GPR149: variants seen among roughly 807,000 people sequenced by gnomAD.
GPR149 encodes the protein G protein-coupled receptor 149.
A neutral mutation model predicts 50.2 loss-of-function variants in GPR149; 50 were observed. The observed-to-expected ratio is 1.00, with a 90% confidence interval of 0.79 to 1.26. GPR149 has a LOEUF of 1.26. GPR149 is among the 50% of genes most tolerant of loss of function. The pLI is 0.00. For synonymous variants in GPR149, 405 were observed against 358.2 expected, an observed-to-expected ratio of 1.13 and a Z score of -1.48; for missense variants, 983 against 895.4, an observed-to-expected ratio of 1.10 and a Z score of -1.25.
At chr3:154,396,879 G>T (rs1353755983) in intron 3 of GPR149, among the ~76,000 whole-genome samples, 1 of 150,792 alleles carries the variant, frequency 6.6e-6, no homozygotes, top group Non-Finnish European at 1.5e-5. Context: ...TTAAAGAAAG[G>T]GTTTTTATTT....
Position 154,404,137 on chromosome 3 carries a change from T to C in GPR149, c.1623+16902A>G, listed in dbSNP as rs142495737. 6.6e-4 allele frequency among the ~76,000 whole-genome samples: 100 copies of C among 152,330 alleles called. No homozygotes were observed. In the East Asian group the frequency reaches 0.019, roughly 29 times the overall value. ...TGTTTTACAAAGTGTTTTTAACAAT[T>C]TATCGTACCAACAGTTTATATACAT... is the stretch of plus-strand genomic sequence containing the variant. On this transcript the variant is annotated intron_variant, in intron 3 of 3. Transcript: ENST00000389740.
In GPR149 at chr3:154,356,720, T is replaced by G. The variant is rs576237620; in HGVS notation, c.1624-18449A>C. 6.0e-3 allele frequency among the ~76,000 whole-genome samples: 917 copies of G among 152,150 alleles called. 2 individuals carry two copies. Among genetic ancestry groups the G allele is most frequent in the Non-Finnish European group, 0.011 (714 of 67,984 alleles). On this transcript the variant is annotated intron_variant, in intron 3 of 3. Coordinates refer to ENST00000389740, the MANE Select transcript of GPR149 (RefSeq NM_001038705.3). ...TGGAAGAACATTCCATGCTCATGGGTAGGAAGAATCAATATTGTGAAAATG... is the reference window on the plus strand; with the variant it reads ...TGGAAGAACATTCCATGCTCATGGGGAGGAAGAATCAATATTGTGAAAATG...
chr3:154,412,596 A>T (rs528005422), intron 3 of GPR149, among the ~76,000 whole-genome samples: 1 of 151,894 alleles, frequency 6.6e-6, no homozygotes, highest in African/African-American at 2.4e-5. Context: ...AGACAATAAA[A>T]TACTGAGAGG....
intron 2 of GPR149, among the ~76,000 whole-genome samples, chr3:154,426,347 C>A (rs963193265): frequency 2.0e-5 from 3 of 152,122 alleles, no homozygotes; most frequent in African/African-American, 7.2e-5. Context: ...ATGGCCAGTT[C>A]ATGGCTAATT....
chr3:154,349,722 C>T (rs1714022273), intron 3 of GPR149, among the ~76,000 whole-genome samples: 1 of 152,134 alleles, frequency 6.6e-6, no homozygotes, highest in Admixed American at 6.6e-5. Flanking sequence ...CAAAGGAATA[C>T]TTCTTGATTC....
At chr3:154,361,788 G>A (rs1326513423) in intron 3 of GPR149, among the ~76,000 whole-genome samples, 1 of 152,094 alleles carries the variant, frequency 6.6e-6, no homozygotes, top group African/African-American at 2.4e-5. Context: ...TGCACTGATT[G>A]AACCTATTTG....
In GPR149 at chr3:154,353,706, C is replaced by T. The variant is rs1173609790; in HGVS notation, c.1624-15435G>A. ...AGCCAAAACAAGTACCTTTGTTGAG[C>T]AGCTTTTTAAAAATTGTTTCTTGAT... is the stretch of plus-strand genomic sequence containing the variant. On this transcript the variant is annotated intron_variant, in intron 3 of 3. Coordinates refer to ENST00000389740, the MANE Select transcript of GPR149 (RefSeq NM_001038705.3). 3.4e-6 allele frequency: 4 copies of T among 1,178,474 alleles called. No individual in the cohort carries two copies. In the African/African-American group the frequency reaches 6.2e-5, roughly 18 times the overall value. The allele number at this position is 1,178,474 out of a possible 1,614,324, so 73.0% of individuals were successfully genotyped here. A position where few individuals can be genotyped will look rare whatever the true frequency, so the allele number is the denominator to read the frequency against.
In GPR149 at chr3:154,363,194, C is replaced by T. The variant is rs531362866; in HGVS notation, c.1624-24923G>A. On this transcript the variant is annotated intron_variant, in intron 3 of 3. Transcript: ENST00000389740. ...CTTGTCCTTAAGGCGAAAGGAACTACCAAAGTGTTCTAAGCATAAAATTGA... is the reference window on the plus strand; with the variant it reads ...CTTGTCCTTAAGGCGAAAGGAACTATCAAAGTGTTCTAAGCATAAAATTGA... Among the ~76,000 whole-genome samples, 3 of 152,286 alleles carry T rather than the reference C, an allele frequency of 2.0e-5. No individual in the cohort carries two copies. The South Asian group carries it at 6.2e-4, about 32-fold the overall frequency.
At chr3:154,405,728 T>A (rs1711669593) in intron 3 of GPR149, among the ~76,000 whole-genome samples, 1 of 151,636 alleles carries the variant, frequency 6.6e-6, no homozygotes, top group Non-Finnish European at 1.5e-5. Flanking sequence ...TAAGCAACCA[T>A]TTGGAAAAAA....
At chr3:154,343,554 G>A (rs1713853444) in intron 3 of GPR149, among the ~76,000 whole-genome samples, 3 of 152,062 alleles carry the variant, frequency 2.0e-5, no homozygotes, top group Admixed American at 2.0e-4. Context: ...CTATTTTTAG[G>A]TTAAGAGACA....
At chr3:154,363,618 C>T (rs1288427560) in intron 3 of GPR149, among the ~76,000 whole-genome samples, 1 of 152,076 alleles carries the variant, frequency 6.6e-6, no homozygotes, top group Non-Finnish European at 1.5e-5. Context: ...CAGTGAAATC[C>T]AACCTTCAAG....
At chr3:154,350,528 T>C (rs1714052676) in intron 3 of GPR149, among the ~76,000 whole-genome samples, 1 of 152,152 alleles carries the variant, frequency 6.6e-6, no homozygotes, top group Non-Finnish European at 1.5e-5. Flanking sequence ...CATGACACTT[T>C]AAAAAGTTGA....
At chr3:154,413,959 T>C (rs1559988964) in intron 3 of GPR149, among the ~76,000 whole-genome samples, 1 of 150,704 alleles carries the variant, frequency 6.6e-6, no homozygotes, top group Non-Finnish European at 1.5e-5. Flanking sequence ...TATATATATA[T>C]ACATGGAATA....
Position 154,429,611 on chromosome 3 carries a change from G to T in GPR149, c.5C>A (p.Ser2Tyr). The change falls in exon 1 of 4, where the codon TCT becomes TAT. Residue 2 changes from serine (S) to tyrosine (Y), a missense_variant. Physicochemically the swap from Ser to Tyr is moderately radical, Grantham distance 144. Coordinates refer to ENST00000389740, the MANE Select transcript of GPR149 (RefSeq NM_001038705.3). M[S>Y]LFLSNLSTND... is the part of the protein sequence containing the mutation. ...TGTTGATAAGTTACTGAGAAATAAA[G>T]ACATTGTCCTTGGTCAATATTTAAT... The T allele has an allele frequency of 6.2e-7, 1 of 1,609,644 alleles. No homozygotes were observed. Among genetic ancestry groups the T allele is most frequent in the Middle Eastern group, 1.7e-4 (1 of 6,042 alleles).
intron 3 of GPR149, among the ~76,000 whole-genome samples, chr3:154,345,863 C>T (rs1197952750): frequency 6.6e-6 from 1 of 152,082 alleles, no homozygotes; most frequent in East Asian, 1.9e-4. Context: ...ATTTTAATTT[C>T]TTATTTTATG....
rs186740830 is a variant in GPR149, at chr3:154,391,042, C to A, written c.1623+29997G>T. On this transcript the variant is annotated intron_variant, in intron 3 of 3. Coordinates refer to ENST00000389740, the MANE Select transcript of GPR149 (RefSeq NM_001038705.3). ...TCTGAGGGAGTTCATCATTACCAGACCTGCCTAACAAGAAATGCTAAAGGA... is the reference window on the plus strand; with the variant it reads ...TCTGAGGGAGTTCATCATTACCAGAACTGCCTAACAAGAAATGCTAAAGGA... Among the ~76,000 whole-genome samples, 1,008 of 152,108 alleles carry A rather than the reference C, an allele frequency of 6.6e-3. 5 individuals carry two copies. Among genetic ancestry groups the A allele is most frequent in the Non-Finnish European group, 0.012 (804 of 67,972 alleles).
chr3:154,355,088 C>T (rs1274602764), intron 3 of GPR149, among the ~76,000 whole-genome samples: 10 of 152,116 alleles, frequency 6.6e-5, no homozygotes, highest in Admixed American at 2.6e-4. Context: ...AGTGCAGTGG[C>T]GCGATGTTGG....
chr3:154,377,381 T>TATTATTATC, intron 3 of GPR149, among the ~76,000 whole-genome samples: 1 of 148,990 alleles, frequency 6.7e-6, no homozygotes, highest in East Asian at 2.0e-4. Context: ...TTATTATTAT[T>TATTATTATC]ATTATTACTG....
chr3:154,401,781 G>A (rs903425762), intron 3 of GPR149, among the ~76,000 whole-genome samples: 2 of 152,118 alleles, frequency 1.3e-5, no homozygotes, highest in Non-Finnish European at 2.9e-5. Context: ...GATCAGATCC[G>A]GCCTGAGGGA....
Sources: gnomAD v4.1 joint callset for allele counts (sites outside exome capture counted in the v4.1 genomes callset) on GRCh38, gnomAD v4.1.1 for gene constraint, MANE v1.5 for transcripts, NCBI Gene and HGNC (gene_info 2026-07-23, HGNC 2026-07-21) for gene names.